Variants in IZUMO1R observed in about 807,000 individuals in gnomAD.
The protein encoded by IZUMO1R is IZUMO1 receptor, JUNO, also known as sperm-egg fusion protein Juno.
A neutral mutation model predicts 22.1 loss-of-function variants in IZUMO1R; 24 were observed. The ratio of observed to expected loss-of-function variants is 1.09; its 90% confidence interval spans 0.79 to 1.53. The LOEUF is 1.53. Among genes scored for constraint, IZUMO1R ranks in the 40% most tolerant of loss-of-function variants. The probability of loss-of-function intolerance (pLI) is 0.00; values close to 1 mark genes in which losing one functional copy is unlikely to be tolerated. For synonymous variants in IZUMO1R, 133 were observed against 121.2 expected (o/e 1.10, Z -0.64); for missense variants, 308 against 314.9 (o/e 0.98, Z 0.17).
chr11:94,305,829 T>C lies in IZUMO1R; in HGVS notation c.138+55T>C, dbSNP rs577095224. The C allele has an allele frequency of 1.4e-5, 23 of 1,589,212 alleles. No individual in the cohort carries two copies. The East Asian group carries it at 4.8e-4, about 33-fold the overall frequency. ...GGGAAGATCAGGGAAGGGACACAAA[T>C]GCCAAGATGGTCTCCGAACCTCATC... is the stretch of plus-strand genomic sequence containing the variant. On this transcript the variant is annotated intron_variant, in intron 2 of 4. Coordinates refer to ENST00000687084, the MANE Select transcript of IZUMO1R (RefSeq NM_001199206.4).
rs771940733 is a variant in IZUMO1R, at chr11:94,307,542, G to A, written c.603G>A (p.Arg201=). 6.2e-7 allele frequency: 1 copy of A among 1,613,736 alleles called. No homozygotes were observed. The highest frequency in any genetic ancestry group is 1.7e-5 in the Admixed American group (1 of 60,034). ...SNSFKASPER[R]NSGRCLQKWF... is the part of the protein sequence containing the mutation. ...CCTTCAAAGCCAGCCCTGAGCGACG[G>A]AACAGTGGGCGGTGTCTCCAGAAGT... is the stretch of plus-strand genomic sequence containing the variant. Residue 201 remains arginine, a synonymous_variant, in exon 5 of 5, where the codon CGG becomes CGA. Transcript: ENST00000687084.
At chr11:94,305,501 G>A in intron 1 of IZUMO1R, 130 bp from the exon 2 acceptor site, 1 of 1,106,266 alleles carries the variant, frequency 9.0e-7, no homozygotes. Flanking sequence ...GAAGGTCCTA[G>A]GAGCAGCCAG....
In IZUMO1R at chr11:94,307,222, T is replaced by C; in HGVS notation, c.406T>C (p.Cys136Arg). ...GAATGTGCCGCTGTGCCAGGAGGAC[T>C]GTGAGGAGTGGTGGGAAGACTGTCG... ...VVNVPLCQED[C>R]EEWWEDCRMS... The change falls in exon 4 of 5, where the codon TGT (cysteine) becomes CGT (arginine). Residue 136 changes from cysteine to arginine, a missense_variant. Physicochemically the swap from Cys to Arg is radical, Grantham distance 180 (BLOSUM62 -3). Transcript: ENST00000687084. The C allele has an allele frequency of 6.2e-7, 1 of 1,607,116 alleles. No individual in the cohort carries two copies. Among genetic ancestry groups the C allele is most frequent in the Admixed American group, 1.7e-5 (1 of 58,710 alleles).
At chr11:94,307,358 G>T in intron 4 of IZUMO1R, 58 bp downstream of exon 4, 4 of 1,611,968 alleles carry the variant, frequency 2.5e-6, no homozygotes, top group Non-Finnish European at 1.7e-6. Context: ...TCCCCACAAG[G>T]GTGCAGGTGC....
At chr11:94,307,380 A>G in intron 4 of IZUMO1R, 44 bp from the exon 5 acceptor site, 1 of 1,612,494 alleles carries the variant, frequency 6.2e-7, no homozygotes, top group Non-Finnish European at 8.5e-7. Context: ...AAGGCTAGCA[A>G]TGAGGGAGTA....
In IZUMO1R at chr11:94,307,481, C is replaced by A. The variant is rs955588237; in HGVS notation, c.542C>A (p.Thr181Asn). 3 of 1,613,780 alleles carry A rather than the reference C, an allele frequency of 1.9e-6. No homozygotes were observed. Among genetic ancestry groups the A allele is most frequent in the Non-Finnish European group, 2.5e-6 (3 of 1,179,898 alleles). ...QCLPFSHYFP[T>N]PADLCEKTWS... is the part of the protein sequence containing the mutation. ...CTCCCTTTCTCCCATTACTTCCCCA[C>A]CCCAGCTGACCTGTGTGAGAAGACT... is the stretch of plus-strand genomic sequence containing the variant. Residue 181 changes from threonine to asparagine, a missense_variant, in exon 5 of 5, where the codon ACC becomes AAC. Physicochemically the swap from Thr to Asn is moderately conservative, Grantham distance 65. Transcript: ENST00000687084.
In IZUMO1R at chr11:94,307,156, T is replaced by G; in HGVS notation, c.349-9T>G. The stretch of plus-strand genomic sequence containing the variant: ...TAATGTTCTAATCTCTGGCTATGAC[T>G]GCACCCAGGTGGCCCCGAGTGGGCA... On this transcript the variant is annotated splice_polypyrimidine_tract_variant and intron_variant, in intron 3 of 4. Transcript: ENST00000687084. 2 of 1,588,378 alleles carry G rather than the reference T, an allele frequency of 1.3e-6. No individual in the cohort carries two copies. Among genetic ancestry groups the G allele is most frequent in the Middle Eastern group, 1.7e-4 (1 of 5,916 alleles).
rs745488301 is a variant in IZUMO1R, at chr11:94,307,610, G to A, written c.671G>A (p.Arg224His). The change falls in exon 5 of 5, where the codon CGC becomes CAC. Residue 224 changes from arginine to histidine, a missense_variant. Physicochemically the swap from Arg to His is conservative, Grantham distance 29. Transcript: ENST00000687084. ...GGCAACCCCAATGTGGCCGTGGCCC[G>A]CCTCTTCGCCAGCTCTGCCCCATCC... ...AQGNPNVAVARLFASSAPSWE... is the reference protein window; with the variant it reads ...AQGNPNVAVAHLFASSAPSWE... 211 of 1,613,696 alleles carry A rather than the reference G, an allele frequency of 1.3e-4. No individual in the cohort carries two copies. Among genetic ancestry groups the A allele is most frequent in the Middle Eastern group, 4.9e-4 (3 of 6,084 alleles).
At position 94,307,185 on chromosome 11, in the gene IZUMO1R, A is replaced by T; in HGVS notation, c.369A>T (p.Gly123=). The change falls in exon 4 of 5, where the codon GGA becomes GGT. Residue 123 remains glycine, a synonymous_variant. Transcript: ENST00000687084. ...LGWEVAPSGQ[G]ERVVNVPLCQ... is the part of the protein sequence containing the mutation. ...CCCAGGTGGCCCCGAGTGGGCAGGG[A>T]GAGCGAGTTGTGAATGTGCCGCTGT... 1 of 1,600,010 alleles carries T rather than the reference A, an allele frequency of 6.2e-7. No individual in the cohort carries two copies. Among genetic ancestry groups the T allele is most frequent in the Non-Finnish European group, 8.5e-7 (1 of 1,173,304 alleles).
At chr11:94,306,896 C>T (rs1290828816) in intron 3 of IZUMO1R, among the ~76,000 whole-genome samples, 174 bp downstream of exon 3, 2 of 152,114 alleles carry the variant, frequency 1.3e-5, no homozygotes, top group African/African-American at 4.8e-5. Flanking sequence ...ACTGTTCTGA[C>T]AACAGTGGGA....
chr11:94,305,326 C>T (rs1193245107), intron 1 of IZUMO1R, among the ~76,000 whole-genome samples: 5 of 152,212 alleles, frequency 3.3e-5, no homozygotes, highest in African/African-American at 4.8e-5. Context: ...CCCTCCTCCT[C>T]ATTCCTGTGA....
At position 94,307,471 on chromosome 11, in the gene IZUMO1R, TA is replaced by T. The variant is rs1413183875; in HGVS notation, c.533del (p.Tyr178SerfsTer111). 6.2e-7 allele frequency: 1 copy of T among 1,613,946 alleles called. No homozygotes were observed. On this transcript the variant is annotated frameshift_variant, in exon 5 of 5. Coordinates refer to ENST00000687084, the MANE Select transcript of IZUMO1R (RefSeq NM_001199206.4). LOFTEE classifies it low-confidence loss of function (END_TRUNC). ...KGAQCLPFSH[Y>X]FPTPADLCEK... ...GGCCCAGTGCCTCCCTTTCTCCCAT[TA>T]CTTCCCCACCCCAGCTGACCTGTGT... is the stretch of plus-strand genomic sequence containing the variant.
Position 94,307,461 on chromosome 11 carries a change from T to C in IZUMO1R, c.522T>C (p.Pro174=), listed in dbSNP as rs771713291. 1.9e-6 allele frequency: 3 copies of C among 1,613,916 alleles called. No homozygotes were observed. The highest frequency in any genetic ancestry group is 3.3e-4 in the Middle Eastern group (2 of 6,062). ...GCCCCAAAGGGGCCCAGTGCCTCCC[T>C]TTCTCCCATTACTTCCCCACCCCAG... ...NRCPKGAQCL[P]FSHYFPTPAD... The change falls in exon 5 of 5, where the codon CCT becomes CCC. Residue 174 remains proline, a synonymous_variant. Transcript: ENST00000687084.
Position 94,307,284 on chromosome 11 carries a change from C to T in IZUMO1R, c.468C>T (p.Gly156=). Residue 156 remains glycine (G), a synonymous_variant, in exon 4 of 5, where the codon GGC becomes GGT. Transcript: ENST00000687084. Reference sequence around the variant, plus strand: ...CATGCAAATCCAACTGGCGTGGTGGCTGGGACTGGAGTCAGGGTGAGTGGT... The same window carrying T: ...CATGCAAATCCAACTGGCGTGGTGGTTGGGACTGGAGTCAGGGTGAGTGGT... The part of the protein sequence containing the change: ...SYTCKSNWRG[G]WDWSQGKNRC... 1 of 1,612,708 alleles carries T rather than the reference C, an allele frequency of 6.2e-7. No homozygotes were observed. Among genetic ancestry groups the T allele is most frequent in the Non-Finnish European group, 8.5e-7 (1 of 1,179,380 alleles).
chr11:94,305,899 A>G (rs2134628404), intron 2 of IZUMO1R, 125 bp downstream of exon 2: 2 of 1,046,022 alleles, frequency 1.9e-6, no homozygotes, highest in Admixed American at 5.3e-5. Flanking sequence ...AAGCAAAGGC[A>G]ACTAGATGGA....
intron 1 of IZUMO1R, 56 bp from the exon 2 acceptor site, chr11:94,305,575 A>AG: frequency 6.3e-7 from 1 of 1,594,480 alleles, no homozygotes; most frequent in Non-Finnish European, 8.6e-7. Context: ...GCTATGATGA[A>AG]GGGGGTGGAG....
chr11:94,305,106 T>G (rs2134627495), intron 1 of IZUMO1R, among the ~76,000 whole-genome samples: 1 of 152,102 alleles, frequency 6.6e-6, no homozygotes, highest in Non-Finnish European at 1.5e-5. Flanking sequence ...AGTTTCCAGT[T>G]TCACCATGAT....
Position 94,307,715 on chromosome 11 carries a change from A to G in IZUMO1R, c.*23A>G, listed in dbSNP as rs1188794355. 6.2e-7 allele frequency: 1 copy of G among 1,607,208 alleles called. No individual in the cohort carries two copies. The stretch of plus-strand genomic sequence containing the variant: ...TGAGAGCCCTTCTTCTCCCACTCAC[A>G]TTCCTGCATGTCCACCAACTGTGGG... On this transcript the variant is annotated 3_prime_UTR_variant, in exon 5 of 5. Coordinates refer to ENST00000687084, the MANE Select transcript of IZUMO1R (RefSeq NM_001199206.4).
chr11:94,305,884 G>A, intron 2 of IZUMO1R, 110 bp downstream of exon 2: 4 of 1,301,912 alleles, frequency 3.1e-6, no homozygotes, highest in Middle Eastern at 2.2e-4. Context: ...CTGGGGTTAG[G>A]AGTTAAGCAA....
Sources: allele counts gnomAD v4.1 joint callset (sites outside exome capture counted in the v4.1 genomes callset), GRCh38; gene constraint gnomAD v4.1.1; transcripts MANE v1.5; gene names NCBI Gene and HGNC (gene_info 2026-07-23, HGNC 2026-07-21).